Variants in TNIK observed in about 807,000 individuals in gnomAD.
TNIK encodes the protein TRAF2 and NCK interacting kinase.
TNIK carries 49 observed loss-of-function variants against 191.3 expected under a neutral mutation model. The ratio of observed to expected loss-of-function variants is 0.26; its 90% CI spans 0.20 to 0.32. TNIK has a LOEUF of 0.32. Among genes scored for constraint, TNIK ranks in the 10% least tolerant of loss-of-function variants. The pLI is 1.00. For synonymous variants in TNIK, 594 were observed against 600.9 expected (o/e 0.99, Z 0.17); for missense variants, 1,155 against 1,702.3 (o/e 0.68, Z 5.66).
intron 2 of TNIK, among the ~76,000 whole-genome samples, chr3:171,352,040 C>T (rs1362610585): frequency 8.5e-5 from 13 of 152,178 alleles, no homozygotes; most frequent in Non-Finnish European, 1.8e-4. Flanking sequence ...CTGGGAGTCT[C>T]GTTAAAAAGC....
chr3:171,290,775 A>T (rs1295349293), intron 2 of TNIK, among the ~76,000 whole-genome samples: 1 of 152,238 alleles, frequency 6.6e-6, no homozygotes, highest in East Asian at 1.9e-4. Context: ...AAGCTCACAT[A>T]TTTATGGAGA....
intron 23 of TNIK, 49 bp from the exon 24 acceptor site, chr3:171,087,555 C>G: frequency 6.3e-7 from 1 of 1,594,670 alleles, no homozygotes; most frequent in Non-Finnish European, 8.6e-7. Context: ...GGAAAAAGGC[C>G]ACAGAGTGAC....
chr3:171,064,072 G>T, intron 32 of TNIK, 108 bp from the exon 33 acceptor site: 1 of 986,988 alleles, frequency 1.0e-6, no homozygotes. Context: ...CATGTGTCAG[G>T]TCTTAAGACT....
intron 1 of TNIK, among the ~76,000 whole-genome samples, chr3:171,411,391 A>C (rs1376033802): frequency 2.6e-5 from 4 of 152,098 alleles, no homozygotes; most frequent in African/African-American, 9.7e-5. Context: ...CTATCTTCCA[A>C]GTTTGGGGAA....
intron 1 of TNIK, among the ~76,000 whole-genome samples, chr3:171,394,815 A>G (rs1275301405): frequency 6.6e-6 from 1 of 152,150 alleles, no homozygotes; most frequent in African/African-American, 2.4e-5. Flanking sequence ...TCCATCTGGC[A>G]TTGATCAAAT....
chr3:171,108,253 CATTG>C, intron 19 of TNIK, 91 bp from the exon 20 acceptor site: 10 of 1,000,090 alleles, frequency 1.0e-5, no homozygotes, highest in African/African-American at 1.6e-5. Flanking sequence ...TGTGTCATCA[CATTG>C]AGATTACTCA....
At chr3:171,204,145 T>C (rs1739767211) in intron 4 of TNIK, among the ~76,000 whole-genome samples, 3 of 152,166 alleles carry the variant, frequency 2.0e-5, no homozygotes, top group Non-Finnish European at 2.9e-5. Flanking sequence ...GAATGAGATG[T>C]TGTGTGTCAG....
chr3:171,082,501 A>G (rs1720822199), intron 26 of TNIK, 107 bp from the exon 27 acceptor site: 4 of 1,264,876 alleles, frequency 3.2e-6, no homozygotes, highest in Admixed American at 2.5e-5. Flanking sequence ...ATATACACTA[A>G]TGGGCAAGTA....
intron 15 of TNIK, 104 bp from the exon 16 acceptor site, chr3:171,128,982 C>A (rs1480841473): frequency 1.4e-6 from 2 of 1,417,484 alleles, no homozygotes. Context: ...CCATTTGAAT[C>A]CTCTGATCAA....
chr3:171,241,608 A>G (rs1325863200), intron 2 of TNIK, among the ~76,000 whole-genome samples: 1 of 152,230 alleles, frequency 6.6e-6, no homozygotes, highest in African/African-American at 2.4e-5. Flanking sequence ...CTGTAAATAT[A>G]TATGCTTTAT....
At chr3:171,311,623 C>T (rs539288294) in intron 2 of TNIK, among the ~76,000 whole-genome samples, 38 of 152,268 alleles carry the variant, frequency 2.5e-4, no homozygotes, top group African/African-American at 8.7e-4. Flanking sequence ...GAAGTAATCT[C>T]TTAGTATTGA....
intron 1 of TNIK, among the ~76,000 whole-genome samples, chr3:171,428,073 T>C (rs989603686): frequency 1.3e-5 from 2 of 152,098 alleles, no homozygotes; most frequent in African/African-American, 4.8e-5. Flanking sequence ...CTCTAGTGAA[T>C]AATAAAAGAG....
In TNIK at chr3:171,211,133, T is replaced by C; in HGVS notation, c.289A>G (p.Met97Val). Residue 97 changes from methionine to valine, a missense_variant, in exon 4 of 33, where the codon ATG becomes GTG. Transcript: ENST00000436636. ...GTACATACCCAAAGTTGGTCATCCA[T>C]GCCTGGTGGGTTCTTTTTGATAAAA... ...GAFIKKNPPG[M>V]DDQLWLVMEF... 1 of 1,612,966 alleles carries C rather than the reference T, an allele frequency of 6.2e-7. No individual in the cohort carries two copies. Among genetic ancestry groups the C allele is most frequent in the East Asian group, 2.2e-5 (1 of 44,850 alleles).
intron 18 of TNIK, among the ~76,000 whole-genome samples, chr3:171,121,253 G>A (rs1237810528): frequency 6.6e-6 from 1 of 152,112 alleles, no homozygotes; most frequent in African/African-American, 2.4e-5. Flanking sequence ...TCTGATAAAT[G>A]GCACAAAAAG....
At chr3:171,411,699 A>G (rs772453458) in intron 1 of TNIK, among the ~76,000 whole-genome samples, 85 of 152,324 alleles carry the variant, frequency 5.6e-4, no homozygotes, top group Admixed American at 7.8e-4. Flanking sequence ...GTTATTTTAA[A>G]TCAGGATGAG....
intron 4 of TNIK, among the ~76,000 whole-genome samples, chr3:171,210,609 G>A (rs943099626): frequency 2.0e-5 from 3 of 152,028 alleles, no homozygotes; most frequent in African/African-American, 7.2e-5. Flanking sequence ...TGTTTCAGTC[G>A]CCCACTCATC....
Position 171,194,682 on chromosome 3 carries a change from CT to C in TNIK, c.307-48del, listed in dbSNP as rs1560244660. 8 of 1,552,554 alleles carry C rather than the reference CT, an allele frequency of 5.2e-6. No individual in the cohort carries two copies. The South Asian group carries it at 8.0e-5, about 15-fold the overall frequency. ...CCATTATTTTAATGATGCTTCACTG[CT>C]TCCATTAAGTTGGGGTAAGAAAGCA... On this transcript the variant is annotated intron_variant, in intron 4 of 32. Coordinates refer to ENST00000436636, the MANE Select transcript of TNIK (RefSeq NM_015028.4).
At chr3:171,235,130 C>T (rs573009471) in intron 2 of TNIK, among the ~76,000 whole-genome samples, 1 of 152,296 alleles carries the variant, frequency 6.6e-6, no homozygotes, top group South Asian at 2.1e-4. Context: ...CAATCTCCAC[C>T]TCCTGGGTTC....
At chr3:171,352,369 A>G (rs369214062) in intron 2 of TNIK, among the ~76,000 whole-genome samples, 9 of 152,334 alleles carry the variant, frequency 5.9e-5, no homozygotes, top group African/African-American at 2.2e-4. Context: ...GTATGGAGGG[A>G]GACCATTATT....
Sources: allele counts gnomAD v4.1 joint callset (sites outside exome capture counted in the v4.1 genomes callset), GRCh38; gene constraint gnomAD v4.1.1; transcripts MANE v1.5; gene names NCBI Gene and HGNC (gene_info 2026-07-23, HGNC 2026-07-21).